RBM6: variants seen among roughly 807,000 people sequenced by gnomAD.
The protein encoded by RBM6 is RNA binding motif protein 6, also known as RNA-binding protein 6.
RBM6 carries 23 observed loss-of-function variants against 140.4 expected under a neutral mutation model. The observed-to-expected ratio is 0.16, with a 90% CI of 0.12 to 0.23. The LOEUF is 0.23. Among genes scored for constraint, RBM6 ranks in the 10% least tolerant of loss-of-function variants. The pLI is 1.00. For missense variants in RBM6, 1,139 were observed against 1,386.7 expected, an observed-to-expected ratio of 0.82 and a Z score of 2.84; for synonymous variants, 439 against 475.6, an observed-to-expected ratio of 0.92 and a Z score of 1.00.
chr3:49,997,278 T>G (rs2086128079), intron 5 of RBM6, among the ~76,000 whole-genome samples: 1 of 152,100 alleles, frequency 6.6e-6, no homozygotes, highest in Non-Finnish European at 1.5e-5. Flanking sequence ...AATATAATAT[T>G]AAATCTGAAG....
chr3:50,004,983 G>T (rs2086509237), intron 6 of RBM6, among the ~76,000 whole-genome samples: 1 of 152,080 alleles, frequency 6.6e-6, no homozygotes, highest in Non-Finnish European at 1.5e-5. Flanking sequence ...AAGAAAAAGG[G>T]TTCTGTTATC....
chr3:50,069,665 G>C (rs1412472264), intron 18 of RBM6, among the ~76,000 whole-genome samples: 1 of 152,142 alleles, frequency 6.6e-6, no homozygotes, highest in Non-Finnish European at 1.5e-5. Context: ...ACTCCAGCCT[G>C]GGTCACAGAG....
At chr3:49,954,820 G>A (rs929702378) in intron 1 of RBM6, among the ~76,000 whole-genome samples, 7 of 150,434 alleles carry the variant, frequency 4.7e-5, no homozygotes, top group African/African-American at 1.5e-4. Context: ...GTGCAGTGGC[G>A]CGATCTCAGC....
intron 10 of RBM6, chr3:50,059,310 A>T (rs1209374343): frequency 6.0e-6 from 1 of 167,096 alleles, no homozygotes; most frequent in Non-Finnish European, 1.3e-5. Flanking sequence ...AATGAAAGTC[A>T]TTGGTATTTC....
At chr3:49,943,728 A>G (rs1479057800) in intron 1 of RBM6, among the ~76,000 whole-genome samples, 1 of 152,136 alleles carries the variant, frequency 6.6e-6, no homozygotes, top group Admixed American at 6.6e-5. Flanking sequence ...TACTGGTATT[A>G]CAGGCATGAG....
At chr3:49,964,795 G>A (rs2084434296) in intron 2 of RBM6, among the ~76,000 whole-genome samples, 1 of 152,288 alleles carries the variant, frequency 6.6e-6, no homozygotes, top group East Asian at 1.9e-4. Flanking sequence ...ATTCAGAAAT[G>A]TTAGGTTAAT....
chr3:49,991,953 T>TTTATTTTATTTATG (rs1553645347), intron 5 of RBM6, among the ~76,000 whole-genome samples: 9,752 of 151,408 alleles, frequency 0.064, 338 homozygotes, highest in Non-Finnish European at 0.074. Flanking sequence ...TTTTATTTAT[T>TTTATTTTATTTATG]TATTTATTTA....
At chr3:50,011,012 C>T (rs1415169802) in intron 6 of RBM6, among the ~76,000 whole-genome samples, 1 of 151,490 alleles carries the variant, frequency 6.6e-6, no homozygotes, top group Non-Finnish European at 1.5e-5. Flanking sequence ...CTACCCCAAC[C>T]CCCCAAAAAG....
chr3:49,981,968 A>G (rs896434898), intron 5 of RBM6, among the ~76,000 whole-genome samples: 2 of 152,238 alleles, frequency 1.3e-5, no homozygotes, highest in African/African-American at 2.4e-5. Context: ...ATAGAAAGTA[A>G]TTATAGTAAC....
intron 1 of RBM6, among the ~76,000 whole-genome samples, chr3:49,960,304 C>T (rs1197079508): frequency 6.6e-6 from 1 of 152,130 alleles, no homozygotes; most frequent in Non-Finnish European, 1.5e-5. Context: ...ACAGAACTTT[C>T]CTTCTGTTTT....
chr3:49,966,141 GAGAA>G (rs150965417), intron 2 of RBM6, among the ~76,000 whole-genome samples: 1,535 of 152,258 alleles, frequency 0.01, 32 homozygotes, highest in African/African-American at 0.035. Flanking sequence ...AAAAGAAAAA[GAGAA>G]AGAAAAGGTT....
At chr3:50,058,613 T>G (rs749255003) in intron 10 of RBM6, 51 bp downstream of exon 10, 1 of 1,521,896 alleles carries the variant, frequency 6.6e-7, no homozygotes, top group Non-Finnish European at 9.1e-7. Flanking sequence ...CTAAAGAACC[T>G]TCAAGAAGGT....
chr3:49,968,928 C>T (rs562669294), intron 3 of RBM6, among the ~76,000 whole-genome samples, 180 bp downstream of exon 3: 125 of 150,648 alleles, frequency 8.3e-4, no homozygotes, highest in Admixed American at 3.0e-3. Context: ...TGACTACAGG[C>T]GCCCACCACC....
intron 5 of RBM6, chr3:49,981,708 T>C (rs532584461): frequency 6.6e-6 from 1 of 152,308 alleles, no homozygotes; most frequent in East Asian, 1.9e-4. Context: ...ACTAAGGACA[T>C]ATAACTTAGT....
chr3:49,964,932 A>T (rs2084439597), intron 2 of RBM6, among the ~76,000 whole-genome samples: 1 of 152,198 alleles, frequency 6.6e-6, no homozygotes, highest in Non-Finnish European at 1.5e-5. Flanking sequence ...CTGTTTTTTA[A>T]CATCTTTGAC....
rs535852885 is a variant in RBM6, at chr3:50,056,286, T to A, written c.1694-1442T>A. Among the ~76,000 whole-genome samples the A allele has an allele frequency of 6.0e-4, 91 of 151,974 alleles. 1 individual carries two copies. The highest frequency in any genetic ancestry group is 1.1e-3 in the Non-Finnish European group (74 of 67,970). ...GCTATTCCAGCAAATGAATAGATAG[T>A]TTTTTGTTTTTTTTCTTTTTTTTTT... On this transcript the variant is annotated intron_variant, in intron 8 of 20. Coordinates refer to ENST00000266022, the MANE Select transcript of RBM6 (RefSeq NM_005777.3).
chr3:49,994,842 A>G (rs1263539668), intron 5 of RBM6, among the ~76,000 whole-genome samples: 1 of 152,112 alleles, frequency 6.6e-6, no homozygotes, highest in Non-Finnish European at 1.5e-5. Flanking sequence ...GGGCTTTTTC[A>G]ATGTCAACCA....
chr3:49,987,934 G>A (rs767914710), intron 5 of RBM6, among the ~76,000 whole-genome samples: 11 of 152,022 alleles, frequency 7.2e-5, no homozygotes, highest in Admixed American at 2.0e-4. Context: ...CACCACGCCC[G>A]GTCATCAAAG....
At position 49,974,186 on chromosome 3, in the gene RBM6, C is replaced by T. The variant is rs2084949350; in HGVS notation, c.1414-1137C>T. On this transcript the variant is annotated intron_variant, in intron 4 of 20. Coordinates refer to ENST00000266022, the MANE Select transcript of RBM6 (RefSeq NM_005777.3). ...TGCTAGGATTACAGATGTGAGCCAC[C>T]GCTTCTGGCCCTGCTTTTCCTATGT... Among the ~76,000 whole-genome samples the T allele has an allele frequency of 3.3e-5, 5 of 151,920 alleles. 1 individual carries two copies. Among genetic ancestry groups the T allele is most frequent in the East Asian group, 3.9e-4 (2 of 5,154 alleles).
Sources: gnomAD v4.1 joint callset for allele counts (sites outside exome capture counted in the v4.1 genomes callset) on GRCh38, gnomAD v4.1.1 for gene constraint, MANE v1.5 for transcripts, NCBI Gene and HGNC (gene_info 2026-07-23, HGNC 2026-07-21) for gene names.